The following GRIK1 variants were observed in gnomAD, a reference collection of about 807,000 sequenced individuals.
GRIK1 encodes the protein glutamate receptor ionotropic, kainate 1.
Under a neutral mutation model 105.7 loss-of-function variants are expected in GRIK1, and 69 were observed. The ratio of observed to expected loss-of-function variants is 0.65; its 90% confidence interval spans 0.54 to 0.80. GRIK1 has a LOEUF of 0.80. Among genes scored for constraint, GRIK1 ranks in the 30% least tolerant of loss-of-function variants. The pLI, the probability that GRIK1 is intolerant of heterozygous loss-of-function variation, is 0.00. For synonymous variants in GRIK1, 438 were observed against 431.3 expected (o/e 1.02, Z -0.19); for missense variants, 1,109 against 1,167.3 (o/e 0.95, Z 0.73).
intron 1 of GRIK1, among the ~76,000 whole-genome samples, chr21:29,769,586 G>T (rs112501282): frequency 0.017 from 2,524 of 152,128 alleles, 76 homozygotes; most frequent in African/African-American, 0.058. Flanking sequence ...TAATGTCCCC[G>T]CTGATCTGAC....
At chr21:29,899,210 G>A (rs1319462859) in intron 1 of GRIK1, among the ~76,000 whole-genome samples, 1 of 152,166 alleles carries the variant, frequency 6.6e-6, no homozygotes, top group African/African-American at 2.4e-5. Context: ...ACCTAAATTT[G>A]TGATTAGGTC....
intron 1 of GRIK1, among the ~76,000 whole-genome samples, chr21:29,792,782 C>A (rs2066456024): frequency 6.6e-6 from 1 of 152,140 alleles, no homozygotes; most frequent in South Asian, 2.1e-4. Context: ...CATGATGCGA[C>A]TTAGTATGAA....
At chr21:29,864,377 C>G (rs930582085) in intron 1 of GRIK1, among the ~76,000 whole-genome samples, 1 of 152,112 alleles carries the variant, frequency 6.6e-6, no homozygotes, top group Non-Finnish European at 1.5e-5. Flanking sequence ...TTCTACCCTA[C>G]TTTCTCTGAA....
intron 1 of GRIK1, among the ~76,000 whole-genome samples, chr21:29,736,418 A>G (rs1160096449): frequency 6.6e-6 from 1 of 151,940 alleles, no homozygotes; most frequent in Admixed American, 6.6e-5. Flanking sequence ...TTGTAGAGAC[A>G]AGGTGTCACT....
chr21:29,558,002 C>T (rs1457382251), intron 15 of GRIK1, among the ~76,000 whole-genome samples: 1 of 152,192 alleles, frequency 6.6e-6, no homozygotes, highest in African/African-American at 2.4e-5. Flanking sequence ...AAAATCTGAT[C>T]TCTGTTTAAA....
At chr21:29,705,936 C>T (rs1301486827) in intron 1 of GRIK1, among the ~76,000 whole-genome samples, 1 of 146,816 alleles carries the variant, frequency 6.8e-6, no homozygotes, top group Non-Finnish European at 1.5e-5. Flanking sequence ...TGCAGTGATG[C>T]AGTCTCGGCT....
At chr21:29,816,218 G>A (rs903276483) in intron 1 of GRIK1, among the ~76,000 whole-genome samples, 3 of 151,962 alleles carry the variant, frequency 2.0e-5, no homozygotes. Context: ...TTAATTATTA[G>A]GAAAATACTA....
intron 1 of GRIK1, among the ~76,000 whole-genome samples, chr21:29,853,781 C>T (rs1006975898): frequency 2.0e-5 from 3 of 152,190 alleles, no homozygotes; most frequent in African/African-American, 7.2e-5. Flanking sequence ...AAAACCCCTG[C>T]TTTCCTGAAG....
At chr21:29,898,276 A>G (rs1347309157) in intron 1 of GRIK1, among the ~76,000 whole-genome samples, 3 of 152,164 alleles carry the variant, frequency 2.0e-5, no homozygotes, top group Non-Finnish European at 4.4e-5. Flanking sequence ...TTGTGGTGCA[A>G]TTCACTCAGC....
chr21:29,909,548 C>G (rs1163076275), intron 1 of GRIK1, among the ~76,000 whole-genome samples: 1 of 151,974 alleles, frequency 6.6e-6, no homozygotes, highest in East Asian at 1.9e-4. Context: ...AGTTTGATAT[C>G]TTTCTATGTG....
At chr21:29,827,266 T>C (rs1368374174) in intron 1 of GRIK1, among the ~76,000 whole-genome samples, 2 of 152,124 alleles carry the variant, frequency 1.3e-5, no homozygotes, top group African/African-American at 4.8e-5. Context: ...TATTTTGAAC[T>C]CAGGCCCTAG....
intron 16 of GRIK1, among the ~76,000 whole-genome samples, chr21:29,554,044 C>T (rs1475112283): frequency 6.6e-6 from 1 of 152,110 alleles, no homozygotes; most frequent in Non-Finnish European, 1.5e-5. Context: ...GAATCATCCC[C>T]AGTTTTGGGC....
At chr21:29,745,324 T>A (rs78551982) in intron 1 of GRIK1, among the ~76,000 whole-genome samples, 9,074 of 152,228 alleles carry the variant, frequency 0.06, 315 homozygotes, top group African/African-American at 0.069. Flanking sequence ...CAGATGAGAC[T>A]TTACTCTTGT....
chr21:29,765,404 C>T (rs991600811), intron 1 of GRIK1, among the ~76,000 whole-genome samples: 9 of 152,064 alleles, frequency 5.9e-5, no homozygotes, highest in African/African-American at 9.7e-5. Context: ...TATTTTTCCA[C>T]CTTGAGAGGT....
At position 29,912,006 on chromosome 21, in the gene GRIK1, T is replaced by C. The variant is rs539420850; in HGVS notation, c.118+27377A>G. Among the ~76,000 whole-genome samples, 246 of 152,038 alleles carry C rather than the reference T, an allele frequency of 1.6e-3. 2 individuals carry two copies. Among genetic ancestry groups the C allele is most frequent in the African/African-American group, 5.5e-3 (230 of 41,494 alleles). ...ACTGAAGTATTTAGAATTAAAGGGG[T>C]GTGATGTCCTCAGCTAAGAAATACA... On this transcript the variant is annotated intron_variant, in intron 1 of 17. Transcript: ENST00000327783.
At chr21:29,836,779 TA>T (rs2067820080) in intron 1 of GRIK1, among the ~76,000 whole-genome samples, 1 of 152,214 alleles carries the variant, frequency 6.6e-6, no homozygotes, top group Non-Finnish European at 1.5e-5. Context: ...TTCTTAATGC[TA>T]AAAAATGTAA....
chr21:29,843,819 C>G (rs1049600835), intron 1 of GRIK1, among the ~76,000 whole-genome samples: 1 of 152,168 alleles, frequency 6.6e-6, no homozygotes, highest in African/African-American at 2.4e-5. Context: ...CCTTCAGTAA[C>G]CAGGTTCTGC....
At chr21:29,786,250 G>A (rs1372798425) in intron 1 of GRIK1, among the ~76,000 whole-genome samples, 1 of 152,186 alleles carries the variant, frequency 6.6e-6, no homozygotes, top group Non-Finnish European at 1.5e-5. Flanking sequence ...GCCTCCCAAA[G>A]TGTTGGGAAT....
chr21:29,675,249 G>A (rs557908874), intron 3 of GRIK1, among the ~76,000 whole-genome samples: 1 of 152,226 alleles, frequency 6.6e-6, no homozygotes, highest in African/African-American at 2.4e-5. Context: ...CAAATTGTTG[G>A]TGCTGAGGGA....
Sources: gnomAD v4.1 joint callset for allele counts (sites outside exome capture counted in the v4.1 genomes callset) on GRCh38, gnomAD v4.1.1 for gene constraint, MANE v1.5 for transcripts, NCBI Gene and HGNC (gene_info 2026-07-23, HGNC 2026-07-21) for gene names.